The following CPA5 variants were observed in gnomAD, a reference collection of about 807,000 sequenced individuals.
The protein encoded by CPA5 is carboxypeptidase A5, also known as testicular tissue protein Li 32.
A neutral mutation model predicts 52.2 loss-of-function variants in CPA5; 38 were observed. That is an observed-to-expected ratio of 0.73 (90% CI 0.56 to 0.95). CPA5 has a LOEUF of 0.95. CPA5 is among the 40% of genes least tolerant of loss of function. CPA5 has a pLI of 0.00. For synonymous variants in CPA5, 198 were observed against 213.7 expected (o/e 0.93, Z 0.64); for missense variants, 519 against 566.7 (o/e 0.92, Z 0.86).
intron 5 of CPA5, among the ~76,000 whole-genome samples, chr7:130,354,068 C>T (rs1287241248): frequency 6.6e-6 from 1 of 151,566 alleles, no homozygotes; most frequent in East Asian, 2.0e-4. Flanking sequence ...CCTGGGACTA[C>T]AGGCCCATGT....
intron 7 of CPA5, among the ~76,000 whole-genome samples, chr7:130,361,923 A>G (rs1466660180): frequency 1.3e-5 from 2 of 152,124 alleles, no homozygotes; most frequent in Non-Finnish European, 2.9e-5. Flanking sequence ...AGCCAAGTGG[A>G]CCCACCTAAC....
intron 9 of CPA5, 53 bp downstream of exon 9, chr7:130,363,047 G>A: frequency 8.9e-7 from 1 of 1,120,948 alleles, no homozygotes; most frequent in Non-Finnish European, 1.3e-6. Flanking sequence ...GGGGGATGGA[G>A]AAAAGGTCAC....
chr7:130,351,183 GT>G (rs1413821516), intron 5 of CPA5, among the ~76,000 whole-genome samples: 1 of 152,158 alleles, frequency 6.6e-6, no homozygotes, highest in East Asian at 1.9e-4. Flanking sequence ...ACGTGTGGGG[GT>G]GGGATATTTC....
downstream of CPA5, chr7:130,368,843 T>C (rs2117480214): frequency 7.9e-6 from 4 of 507,912 alleles, no homozygotes; most frequent in South Asian, 1.2e-4. Context: ...GCCTCTGCAC[T>C]CTCCAGTCTA....
intron 10 of CPA5, among the ~76,000 whole-genome samples, chr7:130,364,123 GC>G (rs1450037120): frequency 6.6e-6 from 1 of 152,088 alleles, no homozygotes; most frequent in Non-Finnish European, 1.5e-5. Flanking sequence ...GACCTCCTGG[GC>G]TCAGGTGATC....
chr7:130,371,244 G>A (rs957872821), downstream of CPA5, among the ~76,000 whole-genome samples: 5 of 152,224 alleles, frequency 3.3e-5, no homozygotes, highest in South Asian at 2.1e-4. Flanking sequence ...TGCCAGGCAC[G>A]GTGCCAAGTG....
intron 5 of CPA5, among the ~76,000 whole-genome samples, chr7:130,357,950 C>CTGTGTGTGTG (rs1491444787): frequency 1.2e-4 from 9 of 77,868 alleles, no homozygotes; most frequent in Admixed American, 3.1e-4. Context: ...GTTTTTGTGC[C>CTGTGTGTGTG]TCTGTGTGTG....
At chr7:130,364,964 C>T (rs1445988974) in intron 10 of CPA5, among the ~76,000 whole-genome samples, 3 of 152,210 alleles carry the variant, frequency 2.0e-5, no homozygotes, top group Non-Finnish European at 2.9e-5. Flanking sequence ...CCAGACATGG[C>T]ATCTGCACTT....
At chr7:130,369,830 C>T (rs1796274899), downstream of CPA5, among the ~76,000 whole-genome samples, 1 of 152,234 alleles carries the variant, frequency 6.6e-6, no homozygotes, top group African/African-American at 2.4e-5. Flanking sequence ...AAAGGCATAA[C>T]TTGCTTTATT....
chr7:130,347,695 C>A, intron 3 of CPA5, 71 bp from the exon 4 acceptor site: 1 of 1,352,826 alleles, frequency 7.4e-7, no homozygotes, highest in South Asian at 1.2e-5. Flanking sequence ...CCACTCTGCC[C>A]CTTCCAAGTG....
chr7:130,367,599 A>G lies in CPA5; in HGVS notation c.1038+28A>G, dbSNP rs782033079. On this transcript the variant is annotated intron_variant, in intron 11 of 12. Coordinates refer to ENST00000474905, the MANE Select transcript of CPA5 (RefSeq NM_080385.5). ...GAGACTGGCTGCTTAGGGCCTGGGG[A>G]GAAGAGACCGCTTCACAGGAAAATC... 3 of 1,588,514 alleles carry G rather than the reference A, an allele frequency of 1.9e-6. No individual in the cohort carries two copies. In the South Asian group the frequency reaches 3.3e-5, roughly 18 times the overall value.
At chr7:130,369,580 G>A (rs1441544435), downstream of CPA5, among the ~76,000 whole-genome samples, 2 of 152,154 alleles carry the variant, frequency 1.3e-5, no homozygotes, top group Admixed American at 6.5e-5. Flanking sequence ...AACATTAGTC[G>A]TGAGAGCAAG....
At chr7:130,360,270 C>T (rs1795722429) in intron 6 of CPA5, among the ~76,000 whole-genome samples, 1 of 152,374 alleles carries the variant, frequency 6.6e-6, no homozygotes, top group East Asian at 1.9e-4. Context: ...CAGCCCGTGA[C>T]CAGTCCTTGT....
intron 3 of CPA5, 122 bp from the exon 4 acceptor site, chr7:130,347,644 C>T (rs1794850512): frequency 2.7e-6 from 2 of 734,150 alleles, no homozygotes; most frequent in South Asian, 3.4e-5. Context: ...TCATGCGGTG[C>T]CTCCTGGCCT....
chr7:130,350,671 G>A (rs999149437), intron 5 of CPA5, among the ~76,000 whole-genome samples: 5 of 152,240 alleles, frequency 3.3e-5, no homozygotes, highest in East Asian at 1.9e-4. Flanking sequence ...CAGAGGAACC[G>A]CTTTGGGAGA....
intron 5 of CPA5, among the ~76,000 whole-genome samples, chr7:130,356,362 G>A (rs117502274): frequency 2.8e-3 from 433 of 152,336 alleles, no homozygotes; most frequent in Non-Finnish European, 4.3e-3. Context: ...CAGGGAGGCA[G>A]ATGGCTTACT....
intron 5 of CPA5, among the ~76,000 whole-genome samples, chr7:130,359,374 T>C (rs1554405965): frequency 6.6e-6 from 1 of 152,244 alleles, no homozygotes; most frequent in African/African-American, 2.4e-5. Context: ...TGCCCTGTGA[T>C]CATTTGGGAA....
chr7:130,358,837 G>A (rs1795635208), intron 5 of CPA5, among the ~76,000 whole-genome samples: 1 of 152,190 alleles, frequency 6.6e-6, no homozygotes, highest in Non-Finnish European at 1.5e-5. Context: ...ACCCAACCAG[G>A]CATTATACTG....
downstream of CPA5, among the ~76,000 whole-genome samples, chr7:130,370,228 A>C (rs548387014): frequency 1.3e-5 from 2 of 152,352 alleles, no homozygotes; most frequent in South Asian, 4.1e-4. Flanking sequence ...AGCCCTGAGG[A>C]AGTGAGGGTA....
Sources: allele counts gnomAD v4.1 joint callset (sites outside exome capture counted in the v4.1 genomes callset), GRCh38; gene constraint gnomAD v4.1.1; transcripts MANE v1.5; gene names NCBI Gene and HGNC (gene_info 2026-07-23, HGNC 2026-07-21).